SIPA1L2: variants seen among roughly 807,000 people sequenced by gnomAD.
SIPA1L2 encodes signal induced proliferation associated 1 like 2.
A neutral mutation model predicts 163.9 loss-of-function variants in SIPA1L2; 56 were observed. The observed-to-expected ratio is 0.34, with a 90% CI of 0.28 to 0.43. The LOEUF (loss-of-function observed/expected upper bound fraction) is 0.43. Among genes scored for constraint, SIPA1L2 ranks in the 20% least tolerant of loss-of-function variants. The probability of loss-of-function intolerance (pLI) is 1.00; values close to 1 mark genes in which losing one functional copy is unlikely to be tolerated. For synonymous variants in SIPA1L2, 877 were observed against 865.7 expected (o/e 1.01, Z -0.23); for missense variants, 1,974 against 2,193.5 (o/e 0.90, Z 2.00).
chr1:232,476,545 C>A (rs1665056438), intron 7 of SIPA1L2, among the ~76,000 whole-genome samples: 3 of 152,036 alleles, frequency 2.0e-5, no homozygotes, highest in Non-Finnish European at 1.5e-5. Flanking sequence ...GTCTCCAGGG[C>A]AAGCAGAAGG....
At chr1:232,479,602 A>T (rs1665220457) in intron 7 of SIPA1L2, 25 bp downstream of exon 7, 1 of 1,591,430 alleles carries the variant, frequency 6.3e-7, no homozygotes, top group Non-Finnish European at 8.6e-7. Context: ...TCAGCGTAAA[A>T]AGCTCCAGGC....
At chr1:232,525,584 C>T (rs1404269596) in intron 2 of SIPA1L2, among the ~76,000 whole-genome samples, 1 of 152,022 alleles carries the variant, frequency 6.6e-6, no homozygotes, top group African/African-American at 2.4e-5. Flanking sequence ...AATATATTTT[C>T]ACAGGCCTTA....
chr1:232,611,155 C>T (rs1662215432), intron 1 of SIPA1L2, among the ~76,000 whole-genome samples: 1 of 152,184 alleles, frequency 6.6e-6, no homozygotes, highest in South Asian at 2.1e-4. Flanking sequence ...CCTGCCTCTG[C>T]CATGTAAGAA....
chr1:232,420,350 T>C (rs1020082770), intron 18 of SIPA1L2, among the ~76,000 whole-genome samples: 1 of 152,032 alleles, frequency 6.6e-6, no homozygotes, highest in Non-Finnish European at 1.5e-5. Flanking sequence ...AAGATACACA[T>C]AGTGCAGACC....
At chr1:232,517,198 G>T (rs2103051489) in intron 2 of SIPA1L2, among the ~76,000 whole-genome samples, 1 of 152,272 alleles carries the variant, frequency 6.6e-6, no homozygotes, top group South Asian at 2.1e-4. Flanking sequence ...TTTAATTGTT[G>T]CTTTGAAACT....
intron 1 of SIPA1L2, among the ~76,000 whole-genome samples, chr1:232,602,208 G>A (rs1183295074): frequency 6.6e-6 from 1 of 152,206 alleles, no homozygotes. Flanking sequence ...TGAGAGGTGA[G>A]GGGCAGGAGC....
At chr1:232,448,910 C>A (rs1663379333) in intron 10 of SIPA1L2, among the ~76,000 whole-genome samples, 1 of 152,094 alleles carries the variant, frequency 6.6e-6, no homozygotes, top group Admixed American at 6.6e-5. Flanking sequence ...GATGCAGAGT[C>A]AAGGGCGTGA....
chr1:232,568,880 G>A (rs1329780234), intron 2 of SIPA1L2, among the ~76,000 whole-genome samples: 1 of 152,180 alleles, frequency 6.6e-6, no homozygotes, highest in Non-Finnish European at 1.5e-5. Flanking sequence ...CAGCTCACTA[G>A]TATTCTCCCA....
At chr1:232,443,505 T>C in intron 12 of SIPA1L2, 97 bp downstream of exon 12, 3 of 874,760 alleles carry the variant, frequency 3.4e-6, no homozygotes, top group Non-Finnish European at 5.0e-6. Context: ...ATTCCCCACA[T>C]GGCCCCAGGT....
At chr1:232,449,449 C>T (rs537957049) in intron 10 of SIPA1L2, among the ~76,000 whole-genome samples, 31 of 146,978 alleles carry the variant, frequency 2.1e-4, no homozygotes, top group South Asian at 1.5e-3. Flanking sequence ...ACCCAAGAGG[C>T]GGAGCTTGCA....
At chr1:232,470,826 C>T (rs1039660321) in intron 8 of SIPA1L2, among the ~76,000 whole-genome samples, 6 of 152,156 alleles carry the variant, frequency 3.9e-5, no homozygotes, top group South Asian at 2.1e-4. Flanking sequence ...TTTACCAATA[C>T]CCCACATGAT....
chr1:232,543,704 CA>C (rs1657834683), intron 2 of SIPA1L2, among the ~76,000 whole-genome samples: 1 of 152,164 alleles, frequency 6.6e-6, no homozygotes, highest in Non-Finnish European at 1.5e-5. Flanking sequence ...CCTACCTTTA[CA>C]AAAAGTTTTA....
intron 7 of SIPA1L2, among the ~76,000 whole-genome samples, chr1:232,471,739 T>C (rs1219945490): frequency 6.6e-6 from 1 of 152,216 alleles, no homozygotes; most frequent in Non-Finnish European, 1.5e-5. Flanking sequence ...TAAGTTTATC[T>C]CTTTTATTTT....
At chr1:232,626,009 G>T (rs1454606367) in intron 1 of SIPA1L2, among the ~76,000 whole-genome samples, 3 of 152,166 alleles carry the variant, frequency 2.0e-5, no homozygotes, top group South Asian at 2.1e-4. Context: ...ATCCACGAGT[G>T]GGGTAATTTT....
chr1:232,469,073 C>T (rs187082147), intron 8 of SIPA1L2, among the ~76,000 whole-genome samples: 6 of 152,256 alleles, frequency 3.9e-5, no homozygotes, highest in Non-Finnish European at 7.4e-5. Context: ...CAGGCAGGTA[C>T]ACCTGACAGG....
chr1:232,425,542 C>T (rs1286691317), intron 18 of SIPA1L2, 47 bp downstream of exon 18: 2 of 1,455,082 alleles, frequency 1.4e-6, no homozygotes, highest in South Asian at 1.3e-5. Flanking sequence ...GTTGTGCGAT[C>T]AGCCCACCCT....
At chr1:232,460,776 C>CAA in intron 10 of SIPA1L2, 111 bp downstream of exon 10, 1 of 1,333,298 alleles carries the variant, frequency 7.5e-7, no homozygotes, top group Non-Finnish European at 1.0e-6. Flanking sequence ...GAACACTGTA[C>CAA]AAAGACACAC....
intron 2 of SIPA1L2, among the ~76,000 whole-genome samples, chr1:232,569,541 G>C (rs1230876692): frequency 6.6e-6 from 1 of 152,212 alleles, no homozygotes; most frequent in Non-Finnish European, 1.5e-5. Flanking sequence ...GGCCAGGCAT[G>C]GTGGCTCACA....
At chr1:232,418,746 T>C (rs1472229416) in intron 18 of SIPA1L2, among the ~76,000 whole-genome samples, 2 of 152,202 alleles carry the variant, frequency 1.3e-5, no homozygotes, top group African/African-American at 4.8e-5. Context: ...GTTGGTGACA[T>C]TTTTTCTTTA....
Sources: allele counts gnomAD v4.1 joint callset (sites outside exome capture counted in the v4.1 genomes callset), GRCh38; gene constraint gnomAD v4.1.1; transcripts MANE v1.5; gene names NCBI Gene and HGNC (gene_info 2026-07-23, HGNC 2026-07-21).